Variants in NACA observed in about 807,000 individuals in gnomAD.
NACA encodes nascent polypeptide associated complex subunit alpha.
Under a neutral mutation model 86.4 loss-of-function variants are expected in NACA, and 42 were observed. The observed-to-expected ratio is 0.49, with a 90% CI of 0.38 to 0.63. The LOEUF (loss-of-function observed/expected upper bound fraction) is 0.63, where lower values mean the gene tolerates loss of function less well. NACA is among the 20% of genes least tolerant of loss of function. NACA has a pLI of 0.00. For synonymous variants in NACA, 898 were observed against 973.7 expected (o/e 0.92, Z 1.45); for missense variants, 2,157 against 2,483.6 (o/e 0.87, Z 2.80).
rs1297854761 is a variant in NACA, at chr12:56,719,872, G to A, written c.1658C>T (p.Thr553Ile). The part of the protein sequence containing the change: ...PFSPAQAGLT[T>I]KKDPTVLPLV... ...CGGTAATACAGTAGGGTCTTTCTTG[G>A]TGGTGAGTCCTGCTTGGGCTGGAGA... is the stretch of plus-strand genomic sequence containing the variant. Residue 553 changes from threonine (T) to isoleucine (I), a missense_variant, in exon 3 of 9, where the codon ACC (threonine) becomes ATC (isoleucine). By Grantham distance (89) the Thr-to-Ile change is moderately conservative (BLOSUM62 -1). Transcript: ENST00000454682. 2 of 1,613,916 alleles carry A rather than the reference G, an allele frequency of 1.2e-6. No individual in the cohort carries two copies. Among genetic ancestry groups the A allele is most frequent in the Non-Finnish European group, 1.7e-6 (2 of 1,179,864 alleles).
chr12:56,713,225 A>C (rs773831918), intron 6 of NACA, 35 bp from the exon 7 acceptor site: 3 of 1,607,590 alleles, frequency 1.9e-6, no homozygotes. Flanking sequence ...ATGTGAGTAG[A>C]TTAGCAGTCT....
Position 56,713,137 on chromosome 12 carries a change from A to T in NACA, c.6024T>A (p.Val2008=). The T allele has an allele frequency of 3.1e-6, 5 of 1,614,084 alleles. No homozygotes were observed. The highest frequency in any genetic ancestry group is 4.2e-6 in the Non-Finnish European group (5 of 1,180,008). ...GAATGTTTGAGACAGCTTCACCTTGAACTTTGAATTTCTCAGCAGCTGCTA... is the reference window on the plus strand; with the variant it reads ...GAATGTTTGAGACAGCTTCACCTTGTACTTTGAATTTCTCAGCAGCTGCTA... The part of the protein sequence containing the change: ...AQLAAAEKFK[V]QGEAVSNIQE... Residue 2008 remains valine, a synonymous_variant, in exon 7 of 9, where the codon GTT becomes GTA. Transcript: ENST00000454682.
In NACA at chr12:56,716,771, G is replaced by C. The variant is rs955955475; in HGVS notation, c.4759C>G (p.Pro1587Ala). 3 of 1,372,236 alleles carry C rather than the reference G, an allele frequency of 2.2e-6. No individual in the cohort carries two copies. Among genetic ancestry groups the C allele is most frequent in the African/African-American group, 2.9e-5 (2 of 68,466 alleles). The allele number at this position is 1,372,236 out of a possible 1,614,324, so 85.0% of individuals were successfully genotyped here. ...KEASSPPAVT[P>A]STYKGAPSPK... ...GATGGGGCCCCTTTGTAAGTGGAAG[G>C]AGTCACTGCTGGGGGACTGGAGGCC... Residue 1587 changes from proline (P) to alanine (A), a missense_variant, in exon 3 of 9, where the codon CCT (proline) becomes GCT (alanine). Transcript: ENST00000454682.
At position 56,721,239 on chromosome 12, in the gene NACA, A is replaced by AG; in HGVS notation, c.290dup (p.Glu98Ter). On this transcript the variant is annotated frameshift_variant, in exon 3 of 9. Coordinates refer to ENST00000454682, the MANE Select transcript of NACA (RefSeq NM_001365896.1). LOFTEE classifies it high-confidence loss of function. ...GGTTTGGTAGGAAGGTTGGGGCTTC[A>AG]GGGGCAGTTCCCAAAGGTAGGGCTG... The AG allele has an allele frequency of 1.2e-6, 2 of 1,613,702 alleles. No homozygotes were observed. Among genetic ancestry groups the AG allele is most frequent in the Non-Finnish European group, 1.7e-6 (2 of 1,179,754 alleles).
chr12:56,716,342 G>A lies in NACA; in HGVS notation c.5188C>T (p.Leu1730Phe), dbSNP rs764450216. 7.4e-6 allele frequency: 12 copies of A among 1,612,352 alleles called. No homozygotes were observed. In the South Asian group the frequency reaches 1.3e-4, roughly 18 times the overall value. ...AGAGGGGCTGGAGCCACTGTGGAAAGGGGTCCTTTAGAACCATTCTTAGCT... is the reference window on the plus strand; with the variant it reads ...AGAGGGGCTGGAGCCACTGTGGAAAAGGGTCCTTTAGAACCATTCTTAGCT... ...PSAKNGSKGPLSTVAPAPLLP... is the reference protein window; with the variant it reads ...PSAKNGSKGPFSTVAPAPLLP... Residue 1730 changes from leucine (L) to phenylalanine (F), a missense_variant, in exon 3 of 9, where the codon CTT (leucine) becomes TTT (phenylalanine). By Grantham distance (22) the Leu-to-Phe change is conservative (BLOSUM62 0). Around this residue, in one of 8 missense-constraint regions of NACA, gnomAD observed 797 missense variants for 777.6 expected, o/e 1.02. Coordinates refer to ENST00000454682, the MANE Select transcript of NACA (RefSeq NM_001365896.1).
intron 8 of NACA, 83 bp from the exon 9 acceptor site, chr12:56,712,635 G>A (rs958948076): frequency 2.5e-6 from 4 of 1,594,932 alleles, no homozygotes; most frequent in Admixed American, 1.7e-5. Context: ...AGGCAAATCA[G>A]GAGAATTTAG....
rs1953530255 is a variant in NACA, at chr12:56,720,136, G to A, written c.1394C>T (p.Pro465Leu). 6 of 1,613,944 alleles carry A rather than the reference G, an allele frequency of 3.7e-6. No individual in the cohort carries two copies. In the East Asian group the frequency reaches 6.7e-5, roughly 18 times the overall value. ...ACTTATGGGACCTGATGACATTGGA[G>A]GAGAAACACAAGTAGCTACCTCAAA... is the stretch of plus-strand genomic sequence containing the variant. ...TTFEVATCVS[P>L]PMSSGPISNI... is the part of the protein sequence containing the mutation. Residue 465 changes from proline to leucine, a missense_variant, in exon 3 of 9, where the codon CCT becomes CTT. Around this residue, in one of 8 missense-constraint regions of NACA, gnomAD observed 947 missense variants for 917.9 expected, o/e 1.03. Transcript: ENST00000454682.
Position 56,720,689 on chromosome 12 carries a change from G to C in NACA, c.841C>G (p.Gln281Glu). The C allele has an allele frequency of 2.5e-6, 4 of 1,613,980 alleles. No homozygotes were observed. ...GAAGAGGTCACCACAGGAAGAGACTGAGTTGAAAGAGATAAGGCAGCAGGT... is the reference window on the plus strand; with the variant it reads ...GAAGAGGTCACCACAGGAAGAGACTCAGTTGAAAGAGATAAGGCAGCAGGT... ...SPPAALSLSTQSLPVVTSSQK... is the reference protein window; with the variant it reads ...SPPAALSLSTESLPVVTSSQK... The change falls in exon 3 of 9, where the codon CAG becomes GAG. Residue 281 changes from glutamine (Q) to glutamate (E), a missense_variant. Physicochemically the swap from Gln to Glu is conservative, Grantham distance 29. Coordinates refer to ENST00000454682, the MANE Select transcript of NACA (RefSeq NM_001365896.1).
In NACA at chr12:56,719,862, G is replaced by A. The variant is rs927461163; in HGVS notation, c.1668C>T (p.Asp556=). The A allele has an allele frequency of 2.5e-6, 4 of 1,613,952 alleles. No individual in the cohort carries two copies. The Admixed American group carries it at 5.0e-5, about 20-fold the overall frequency. Residue 556 remains aspartate (D), a synonymous_variant, in exon 3 of 9, where the codon GAC becomes GAT. Transcript: ENST00000454682. ...CCTGGACTAACGGTAATACAGTAGG[G>A]TCTTTCTTGGTGGTGAGTCCTGCTT... ...PAQAGLTTKK[D]PTVLPLVQAA...
chr12:56,718,332 G>A lies in NACA; in HGVS notation c.3198C>T (p.Ser1066=). ...ATGGGGTAGCTGGACCTCCTTTTGG[G>A]GAGGGAAGAGTTGCAGCTGGGGTTG... ...APTTPAATLP[S]PKGGPATPSL... The change falls in exon 3 of 9, where the codon TCC becomes TCT. Residue 1066 remains serine, a synonymous_variant. Coordinates refer to ENST00000454682, the MANE Select transcript of NACA (RefSeq NM_001365896.1). 1.7e-6 allele frequency: 2 copies of A among 1,160,350 alleles called. No homozygotes were observed. Among genetic ancestry groups the A allele is most frequent in the East Asian group, 4.3e-5 (1 of 23,132 alleles). The allele number at this position is 1,160,350 out of a possible 1,614,324, so 71.9% of individuals were successfully genotyped here.
At chr12:56,714,327 C>G (rs1315169188) in intron 5 of NACA, 35 bp downstream of exon 5, 1 of 1,602,854 alleles carries the variant, frequency 6.2e-7, no homozygotes. Flanking sequence ...TATAAAGGTG[C>G]TTCATAAGAT....
At position 56,716,559 on chromosome 12, in the gene NACA, G is replaced by C; in HGVS notation, c.4971C>G (p.Val1657=). The C allele has an allele frequency of 8.2e-6, 12 of 1,462,298 alleles. No individual in the cohort carries two copies. Among genetic ancestry groups the C allele is most frequent in the Non-Finnish European group, 1.1e-5 (12 of 1,081,874 alleles). The allele number at this position is 1,462,298 out of a possible 1,614,324, so 90.6% of individuals were successfully genotyped here. The change falls in exon 3 of 9, where the codon GTC becomes GTG. Residue 1657 remains valine, a synonymous_variant. Transcript: ENST00000454682. ...LKDSPTSPAS[V]TCKMGATVPQ... ...GAACAGTGGCCCCCATTTTACATGT[G>C]ACAGAAGCTGGGGAAGTAGGGGAGT...
In NACA at chr12:56,716,199, G is replaced by A; in HGVS notation, c.5331C>T (p.Ala1777=). 1 of 1,613,744 alleles carries A rather than the reference G, an allele frequency of 6.2e-7. No homozygotes were observed. The highest frequency in any genetic ancestry group is 8.5e-7 in the Non-Finnish European group (1 of 1,179,882). The change falls in exon 3 of 9, where the codon GCC becomes GCT. Residue 1777 remains alanine (A), a synonymous_variant. Transcript: ENST00000454682. ...CAGGTTTAGGAAGGACCTTCTCAAAGGCAGCTGCTGTTAGAGGGGTGGACG... is the reference window on the plus strand; with the variant it reads ...CAGGTTTAGGAAGGACCTTCTCAAAAGCAGCTGCTGTTAGAGGGGTGGACG... ...SKASTPLTAA[A]FEKVLPKPES... is the part of the protein sequence containing the mutation.
rs1466586269 is a variant in NACA, at chr12:56,720,351, G to A, written c.1179C>T (p.Cys393=). 1 of 1,613,898 alleles carries A rather than the reference G, an allele frequency of 6.2e-7. No homozygotes were observed. Among genetic ancestry groups the A allele is most frequent in the South Asian group, 1.1e-5 (1 of 91,080 alleles). Reference sequence around the variant, plus strand: ...CTACATTTAAGGAGCCAGAAGGGCTGCAGGTTATGCTAGAGATGGTAGAGG... The same window carrying A: ...CTACATTTAAGGAGCCAGAAGGGCTACAGGTTATGCTAGAGATGGTAGAGG... ...KGPSTISSIT[C]SPSGSLNVAT... Residue 393 remains cysteine, a synonymous_variant, in exon 3 of 9, where the codon TGC becomes TGT. Coordinates refer to ENST00000454682, the MANE Select transcript of NACA (RefSeq NM_001365896.1).
chr12:56,713,219 G>A, intron 6 of NACA, 29 bp from the exon 7 acceptor site: 1 of 1,610,434 alleles, frequency 6.2e-7, no homozygotes, highest in African/African-American at 1.3e-5. Flanking sequence ...AGATCCATGT[G>A]AGTAGATTAG....
Position 56,714,407 on chromosome 12 carries a change from T to C in NACA, c.5778A>G (p.Pro1926=). The C allele has an allele frequency of 6.2e-7, 1 of 1,614,230 alleles. No homozygotes were observed. Among genetic ancestry groups the C allele is most frequent in the Non-Finnish European group, 8.5e-7 (1 of 1,180,032 alleles). ...TCCGACTCTGTTTTGCTTTACTGAC[T>C]GGTTCTTCATCAATTTCAGCTGCTG... The part of the protein sequence containing the change: ...LAAAAEIDEE[P]VSKAKQSRSE... Residue 1926 remains proline, a synonymous_variant, in exon 5 of 9, where the codon CCA becomes CCG. Coordinates refer to ENST00000454682, the MANE Select transcript of NACA (RefSeq NM_001365896.1).
At position 56,717,162 on chromosome 12, in the gene NACA, T is replaced by G; in HGVS notation, c.4368A>C (p.Pro1456=). 2.4e-6 allele frequency: 3 copies of G among 1,274,718 alleles called. No individual in the cohort carries two copies. Among genetic ancestry groups the G allele is most frequent in the Admixed American group, 3.1e-5 (1 of 31,854 alleles). The allele number at this position is 1,274,718 out of a possible 1,614,324, so 79.0% of individuals were successfully genotyped here. ...APATSAPKGG[P]ATPSSKGDPT... is the part of the protein sequence containing the mutation. ...GATCCCCTTTGGAGGATGGGGTAGCTGGGCCTCCTTTGGGGGCTGAAGTTG... is the reference window on the plus strand; with the variant it reads ...GATCCCCTTTGGAGGATGGGGTAGCGGGGCCTCCTTTGGGGGCTGAAGTTG... The change falls in exon 3 of 9, where the codon CCA becomes CCC. Residue 1456 remains proline (P), a synonymous_variant. Coordinates refer to ENST00000454682, the MANE Select transcript of NACA (RefSeq NM_001365896.1).
At chr12:56,723,519 A>G (rs916798161) in intron 2 of NACA, among the ~76,000 whole-genome samples, 14 of 152,170 alleles carry the variant, frequency 9.2e-5, no homozygotes, top group African/African-American at 3.4e-4. Flanking sequence ...TCCAGCTTAG[A>G]GCCCCCTATT....
Position 56,717,467 on chromosome 12 carries a change from A to G in NACA, c.4063T>C (p.Ser1355Pro). Residue 1355 changes from serine (S) to proline (P), a missense_variant, in exon 3 of 9, where the codon TCC becomes CCC. Ser to Pro is a moderately conservative substitution (Grantham distance 74). Transcript: ENST00000454682. The part of the protein sequence containing the change: ...GTPTLPATTP[S>P]SKGGPTTPSS... ...GGAGTAGTTGGGCCTCCTTTAGAGGAGGGAGTTGTAGCTGGGAGAGTAGGG... is the reference window on the plus strand; with the variant it reads ...GGAGTAGTTGGGCCTCCTTTAGAGGGGGGAGTTGTAGCTGGGAGAGTAGGG... 7.6e-7 allele frequency: 1 copy of G among 1,321,408 alleles called. No homozygotes were observed. Among genetic ancestry groups the G allele is most frequent in the African/African-American group, 1.7e-5 (1 of 57,706 alleles). The allele number at this position is 1,321,408 out of a possible 1,614,324, so 81.9% of individuals were successfully genotyped here. A position where few individuals can be genotyped will look rare whatever the true frequency, so the allele number is the denominator to read the frequency against.
Sources: allele counts gnomAD v4.1 joint callset (sites outside exome capture counted in the v4.1 genomes callset), GRCh38; gene constraint gnomAD v4.1.1; regional missense constraint gnomAD v4.1.1; transcripts MANE v1.5; gene names NCBI Gene and HGNC (gene_info 2026-07-23, HGNC 2026-07-21).